The following ZZEF1 variants were observed in gnomAD, a reference collection of about 807,000 sequenced individuals.
ZZEF1 encodes the protein zinc finger ZZ-type and EF-hand domain-containing protein 1.
ZZEF1 carries 157 observed loss-of-function variants against 342.8 expected under a neutral mutation model. That is an observed-to-expected ratio of 0.46 (90% CI 0.40 to 0.52). The LOEUF (loss-of-function observed/expected upper bound fraction) is 0.52. ZZEF1 is among the 20% of genes least tolerant of loss of function. ZZEF1 has a pLI of 0.00. For synonymous variants in ZZEF1, 1,505 were observed against 1,429.1 expected, an observed-to-expected ratio of 1.05 and a Z score of -1.20; for missense variants, 3,480 against 3,725.6, an observed-to-expected ratio of 0.93 and a Z score of 1.72.
chr17:4,059,397 A>G (rs2057237587), intron 30 of ZZEF1, 107 bp from the exon 31 acceptor site: 1 of 1,398,894 alleles, frequency 7.1e-7, no homozygotes, highest in African/African-American at 1.5e-5. Context: ...TCAGCTGAGC[A>G]AAGCGGCACA....
intron 18 of ZZEF1, among the ~76,000 whole-genome samples, chr17:4,079,303 A>T (rs1166855340): frequency 6.6e-6 from 1 of 152,200 alleles, no homozygotes; most frequent in Non-Finnish European, 1.5e-5. Flanking sequence ...GGCACTGATG[A>T]TGTAACAACA....
chr17:4,033,747 C>T (rs1597789674), intron 40 of ZZEF1: 4 of 490,478 alleles, frequency 8.2e-6, no homozygotes, highest in South Asian at 2.7e-5. Context: ...CCACACTTAC[C>T]GCTCATTAAA....
At chr17:4,011,977 C>G (rs757450276) in intron 52 of ZZEF1, among the ~76,000 whole-genome samples, 1 of 152,186 alleles carries the variant, frequency 6.6e-6, no homozygotes. Context: ...ATGAGGAGCA[C>G]GCATGAAAGA....
chr17:4,027,345 A>T (rs1260859079), intron 42 of ZZEF1, among the ~76,000 whole-genome samples: 1 of 129,786 alleles, frequency 7.7e-6, no homozygotes, highest in Non-Finnish European at 1.5e-5. Flanking sequence ...CCCAGGCTAG[A>T]GTGCAATGGC....
intron 2 of ZZEF1, among the ~76,000 whole-genome samples, chr17:4,122,827 G>A (rs1382132689): frequency 6.6e-6 from 1 of 152,068 alleles, no homozygotes; most frequent in Non-Finnish European, 1.5e-5. Flanking sequence ...GAGACAGAAA[G>A]AGAAAGAAAG....
chr17:4,069,828 C>T (rs1213442874), intron 26 of ZZEF1, among the ~76,000 whole-genome samples: 3 of 151,382 alleles, frequency 2.0e-5, no homozygotes, highest in African/African-American at 7.3e-5. Context: ...GAGACTCCGT[C>T]TCAAAAAGTA....
chr17:4,009,362 C>T, intron 53 of ZZEF1: 1 of 598,776 alleles, frequency 1.7e-6, no homozygotes, highest in South Asian at 2.0e-5. Context: ...AGGGCTGATC[C>T]CGGGCAGTTT....
chr17:4,029,178 C>T (rs1233757166), intron 42 of ZZEF1, among the ~76,000 whole-genome samples: 1 of 152,118 alleles, frequency 6.6e-6, no homozygotes, highest in African/African-American at 2.4e-5. Flanking sequence ...TTCAAGTGTA[C>T]ATGGAAACTC....
At chr17:4,048,341 C>T (rs1455676538) in intron 37 of ZZEF1, among the ~76,000 whole-genome samples, 1 of 152,164 alleles carries the variant, frequency 6.6e-6, no homozygotes, top group East Asian at 1.9e-4. Context: ...GCCAGTTTTG[C>T]TTTTGTATTC....
chr17:4,128,473 A>T (rs1451445206), intron 1 of ZZEF1, among the ~76,000 whole-genome samples: 15 of 145,032 alleles, frequency 1.0e-4, no homozygotes, highest in African/African-American at 2.5e-4. Flanking sequence ...TTTTTTTTTA[A>T]ATTTGACACA....
At chr17:4,007,819 T>C (rs954131281) in intron 54 of ZZEF1, among the ~76,000 whole-genome samples, 1 of 152,082 alleles carries the variant, frequency 6.6e-6, no homozygotes, top group African/African-American at 2.4e-5. Context: ...ACCCTTTTCC[T>C]GCAAAAGGGC....
intron 1 of ZZEF1, among the ~76,000 whole-genome samples, chr17:4,140,512 A>G (rs1186677864): frequency 6.6e-6 from 1 of 152,156 alleles, no homozygotes; most frequent in African/African-American, 2.4e-5. Context: ...TTCCACCACA[A>G]CTACATACTC....
rs371624858 is a variant in ZZEF1 at position 4,074,372 on chromosome 17, T to C, written c.3484-21A>G. 2.1e-4 allele frequency: 332 copies of C among 1,613,508 alleles called. 1 individual carries two copies. Among genetic ancestry groups the C allele is most frequent in the Non-Finnish European group, 2.6e-4 (309 of 1,179,604 alleles). On this transcript the variant is annotated intron_variant, in intron 23 of 54. Coordinates refer to ENST00000381638, the MANE Select transcript of ZZEF1 (RefSeq NM_015113.4). ...ACTTTCTAGAGACAAACAGAAATCA[T>C]GTGGTCAGACAGATTAGAGGAGGAG... is the stretch of plus-strand genomic sequence containing the variant.
intron 35 of ZZEF1, among the ~76,000 whole-genome samples, chr17:4,051,747 G>GAAA (rs35370638): frequency 7.7e-6 from 1 of 129,108 alleles, no homozygotes. Context: ...TTTAACACAG[G>GAAA]AAAAAAAAAA....
intron 1 of ZZEF1, among the ~76,000 whole-genome samples, chr17:4,139,238 C>T (rs893233973): frequency 6.6e-6 from 1 of 151,676 alleles, no homozygotes; most frequent in African/African-American, 2.4e-5. Flanking sequence ...TTCTTTATAA[C>T]ACCTCCTCAA....
intron 1 of ZZEF1, among the ~76,000 whole-genome samples, chr17:4,141,917 T>C (rs939937733): frequency 3.9e-5 from 6 of 152,352 alleles, no homozygotes; most frequent in Admixed American, 1.3e-4. Flanking sequence ...GGTGATTATA[T>C]GAAGAACTGC....
At chr17:4,101,755 T>C (rs560730563) in intron 9 of ZZEF1, among the ~76,000 whole-genome samples, 1 of 152,254 alleles carries the variant, frequency 6.6e-6, no homozygotes, top group African/African-American at 2.4e-5. Flanking sequence ...GCCTCCCAAG[T>C]AGCTGGAATT....
At chr17:4,073,137 C>T (rs555294353) in intron 24 of ZZEF1, among the ~76,000 whole-genome samples, 1 of 152,068 alleles carries the variant, frequency 6.6e-6, no homozygotes, top group Non-Finnish European at 1.5e-5. Flanking sequence ...AATAAATATC[C>T]AGCATAGATG....
At chr17:4,080,369 T>C (rs1322712676) in intron 18 of ZZEF1, among the ~76,000 whole-genome samples, 2 of 152,056 alleles carry the variant, frequency 1.3e-5, no homozygotes, top group Admixed American at 6.5e-5. Flanking sequence ...GAGACAGAGT[T>C]TCGCTCGTTG....
Sources: gnomAD v4.1 joint callset for allele counts (sites outside exome capture counted in the v4.1 genomes callset) on GRCh38, gnomAD v4.1.1 for gene constraint, MANE v1.5 for transcripts, NCBI Gene and HGNC (gene_info 2026-07-23, HGNC 2026-07-21) for gene names.